ALKBH3: variants seen among roughly 807,000 people sequenced by gnomAD.
The protein encoded by ALKBH3 is alpha-ketoglutarate-dependent dioxygenase alkB homolog 3.
Under a neutral mutation model 43.9 loss-of-function variants are expected in ALKBH3, and 51 were observed. The observed-to-expected ratio is 1.16, with a 90% CI of 0.93 to 1.47. The LOEUF (loss-of-function observed/expected upper bound fraction) is 1.47. Among genes scored for constraint, ALKBH3 ranks in the 40% most tolerant of loss-of-function variants. The pLI, the probability that ALKBH3 is intolerant of heterozygous loss-of-function variation, is 0.00. For missense variants in ALKBH3, 361 were observed against 351.9 expected (o/e 1.03, Z -0.21); for synonymous variants, 102 against 115.2 (o/e 0.89, Z 0.73).
chr11:43,889,908 C>A, intron 6 of ALKBH3, 80 bp downstream of exon 6: 2 of 1,198,666 alleles, frequency 1.7e-6, no homozygotes, highest in Non-Finnish European at 2.4e-6. Flanking sequence ...CACTTCTGCT[C>A]ACCAAAGCTA....
At position 43,901,521 on chromosome 11, in the gene ALKBH3, C is replaced by T. The variant is rs1323869179; in HGVS notation, c.465C>T (p.His155=). 3 of 1,613,396 alleles carry T rather than the reference C, an allele frequency of 1.9e-6. No homozygotes were observed. Among genetic ancestry groups the T allele is most frequent in the Non-Finnish European group, 1.7e-6 (2 of 1,179,948 alleles). ...TCTTGGTCTGTGGATTGCAGTGGCA[C>T]CCTGTGCTGCGCACACTAAAGAACC... is the stretch of plus-strand genomic sequence containing the variant. ...RITMEPNPHW[H]PVLRTLKNRI... is the part of the protein sequence containing the mutation. The change falls in exon 8 of 10, where the codon CAC becomes CAT. Residue 155 remains histidine, a synonymous_variant. Transcript: ENST00000302708.
intron 4 of ALKBH3, among the ~76,000 whole-genome samples, chr11:43,886,102 G>T (rs1433326100): frequency 6.6e-6 from 1 of 152,186 alleles, no homozygotes; most frequent in East Asian, 1.9e-4. Context: ...TATGGGAGCT[G>T]TCAGAAGATA....
Position 43,900,215 on chromosome 11 carries a change from A to AATTTTTTTTTTTTTTTTTTTTTTTTTT in ALKBH3, c.460-1301_460-1300insATTTTTTTTTTTTTTTTTTTTTTTTTT, listed in dbSNP as rs1554976906. 3.4e-5 allele frequency among the ~76,000 whole-genome samples: 3 copies of AATTTTTTTTTTTTTTTTTTTTTTTTTT among 87,150 alleles called. 1 individual carries two copies. Among genetic ancestry groups the AATTTTTTTTTTTTTTTTTTTTTTTTTT allele is most frequent in the Non-Finnish European group, 4.3e-5 (2 of 46,316 alleles). 57.2% of individuals were successfully genotyped at this position (87,150 alleles called of 152,430 possible). Reference sequence around the variant, plus strand: ...ATTGCATTTTTTTTATTTTAATTTAATTTTTTTTTTTTTTTTTTTTTTTTT... The same window carrying AATTTTTTTTTTTTTTTTTTTTTTTTTT: ...ATTGCATTTTTTTTATTTTAATTTAAATTTTTTTTTTTTTTTTTTTTTTTTTTTTTTTTTTTTTTTTTTTTTTTTTTT... On this transcript the variant is annotated intron_variant, in intron 7 of 9. Transcript: ENST00000302708.
At position 43,897,265 on chromosome 11, in the gene ALKBH3, C is replaced by T. The variant is rs566455842; in HGVS notation, c.460-4251C>T. The T allele has an allele frequency of 1.1e-5, 6 of 569,590 alleles. No homozygotes were observed. The East Asian group carries it at 2.7e-4, about 26-fold the overall frequency. 35.3% of individuals were successfully genotyped at this position (569,590 alleles called of 1,614,324 possible). ...GAACCGCGACTGCTCCGCAGAGCTG[C>T]TGGTATGAGCGCCCGTCGCCACCCC... On this transcript the variant is annotated intron_variant, in intron 7 of 9. Transcript: ENST00000302708.
chr11:43,896,262 G>A (rs1951817652), intron 7 of ALKBH3, among the ~76,000 whole-genome samples: 1 of 128,954 alleles, frequency 7.8e-6, no homozygotes, highest in Non-Finnish European at 1.7e-5. Context: ...GAACTAATAG[G>A]ATAGATACAC....
intron 8 of ALKBH3, among the ~76,000 whole-genome samples, chr11:43,903,169 G>T (rs1359578867): frequency 6.6e-6 from 1 of 152,148 alleles, no homozygotes; most frequent in African/African-American, 2.4e-5. Context: ...ATTGGTAGTT[G>T]CCGGTGTTTT....
chr11:43,898,903 G>A lies in ALKBH3; in HGVS notation c.460-2613G>A. Reference sequence around the variant, plus strand: ...GATTTCCTGAGTGGAGAGTGCATGTGCAAAGTGCCAGAGGGTGGACTGGTC... The same window carrying A: ...GATTTCCTGAGTGGAGAGTGCATGTACAAAGTGCCAGAGGGTGGACTGGTC... On this transcript the variant is annotated intron_variant, in intron 7 of 9. Coordinates refer to ENST00000302708, the MANE Select transcript of ALKBH3 (RefSeq NM_139178.4). 4.0e-6 allele frequency: 3 copies of A among 751,364 alleles called. No individual in the cohort carries two copies. In the South Asian group the frequency reaches 4.2e-5, roughly 10 times the overall value. The allele number at this position is 751,364 out of a possible 1,614,324, so 46.5% of individuals were successfully genotyped here. A position where few individuals can be genotyped will look rare whatever the true frequency, so the allele number is the denominator to read the frequency against.
chr11:43,899,872 G>GAA (rs10636253), intron 7 of ALKBH3, among the ~76,000 whole-genome samples: 15,058 of 121,720 alleles, frequency 0.12, 1,368 homozygotes, highest in African/African-American at 0.29. Flanking sequence ...GTGGTCTCAG[G>GAA]AAAAAAAAAA....
At chr11:43,890,812 C>G (rs34452363) in intron 6 of ALKBH3, among the ~76,000 whole-genome samples, 2,394 of 151,956 alleles carry the variant, frequency 0.016, 36 homozygotes, top group Non-Finnish European at 0.019. Context: ...TGCAGTGAGC[C>G]GAGATCGCGC....
chr11:43,919,963 C>T lies in ALKBH3; in HGVS notation c.814C>T (p.Leu272=). The change falls in exon 10 of 10, where the codon CTG becomes TTG. Residue 272 remains leucine, a synonymous_variant. Transcript: ENST00000302708. ...CCACTCTAGAGAACCGAGAGTGAAC[C>T]TGACCTTTCGGACAGTCTATCCAGA... ...EYHSREPRVN[L]TFRTVYPDPR... 6.2e-7 allele frequency: 1 copy of T among 1,614,190 alleles called. No homozygotes were observed. The highest frequency in any genetic ancestry group is 8.5e-7 in the Non-Finnish European group (1 of 1,180,024).
intron 1 of ALKBH3, among the ~76,000 whole-genome samples, chr11:43,881,841 T>G (rs33984031): frequency 0.049 from 7,532 of 152,360 alleles, 452 homozygotes; most frequent in Admixed American, 0.2. Context: ...AACATGTGGC[T>G]TGAATTTCCT....
intron 8 of ALKBH3, among the ~76,000 whole-genome samples, chr11:43,913,193 C>G (rs1482464642): frequency 6.7e-6 from 1 of 149,512 alleles, no homozygotes; most frequent in Non-Finnish European, 1.5e-5. Context: ...TCATTCAGGT[C>G]TAATTTTTTT....
intron 7 of ALKBH3, chr11:43,898,530 T>A (rs1328378450): frequency 1.2e-5 from 10 of 828,310 alleles, no homozygotes; most frequent in Non-Finnish European, 2.1e-5. Flanking sequence ...TGAGATACGT[T>A]CTCTCCATAA....
At chr11:43,917,593 A>C (rs912636054) in intron 8 of ALKBH3, among the ~76,000 whole-genome samples, 4 of 151,370 alleles carry the variant, frequency 2.6e-5, no homozygotes, top group African/African-American at 9.7e-5. Context: ...TGGTCAGTGC[A>C]CTCCCTCCGG....
chr11:43,882,494 G>C (rs1951718666), intron 1 of ALKBH3, 89 bp from the exon 2 acceptor site: 2 of 558,138 alleles, frequency 3.6e-6, no homozygotes, highest in Non-Finnish European at 3.1e-6. Context: ...TTGCCATTGA[G>C]AGTCTTCTGC....
At chr11:43,887,954 A>C (rs61883967) in intron 5 of ALKBH3, among the ~76,000 whole-genome samples, 1 of 145,496 alleles carries the variant, frequency 6.9e-6, no homozygotes, top group Non-Finnish European at 1.5e-5. Flanking sequence ...ATGCCCAGCT[A>C]ATTTTTTTTT....
chr11:43,919,198 A>G (rs1259962177), intron 9 of ALKBH3, 62 bp downstream of exon 9: 7 of 1,386,050 alleles, frequency 5.1e-6, no homozygotes, highest in Non-Finnish European at 7.2e-6. Context: ...GACTCTGAGG[A>G]CTATTTCTAA....
At chr11:43,890,232 C>G (rs1001181195) in intron 6 of ALKBH3, among the ~76,000 whole-genome samples, 3 of 152,180 alleles carry the variant, frequency 2.0e-5, no homozygotes, top group African/African-American at 7.2e-5. Context: ...CTTTCACACT[C>G]CTTGCTGACT....
At chr11:43,892,919 T>G (rs1054061720) in intron 7 of ALKBH3, among the ~76,000 whole-genome samples, 1 of 152,234 alleles carries the variant, frequency 6.6e-6, no homozygotes, top group Non-Finnish European at 1.5e-5. Flanking sequence ...ACATGGCCTT[T>G]TCACGTAAGG....
Sources: gnomAD v4.1 joint callset for allele counts (sites outside exome capture counted in the v4.1 genomes callset) on GRCh38, gnomAD v4.1.1 for gene constraint, MANE v1.5 for transcripts, NCBI Gene and HGNC (gene_info 2026-07-23, HGNC 2026-07-21) for gene names.